ARID1B: variants seen among roughly 807,000 people sequenced by gnomAD.
ARID1B encodes the protein AT-rich interactive domain-containing protein 1B.
ARID1B carries 30 observed loss-of-function variants against 212.3 expected under a neutral mutation model. The ratio of observed to expected loss-of-function variants is 0.14; its 90% CI spans 0.11 to 0.19. The LOEUF (loss-of-function observed/expected upper bound fraction) is 0.19, where lower values mean the gene tolerates loss of function less well. Ranked by LOEUF, ARID1B falls within the 10% of genes least tolerant of loss-of-function variation. ARID1B has a pLI of 1.00. For missense variants in ARID1B, 2,891 were observed against 3,204.0 expected (o/e 0.90, Z 2.36); for synonymous variants, 1,402 against 1,301.7 (o/e 1.08, Z -1.66).
At chr6:156,964,293 G>A (rs1205640228) in intron 4 of ARID1B, among the ~76,000 whole-genome samples, 13 of 152,226 alleles carry the variant, frequency 8.5e-5, no homozygotes, top group Admixed American at 7.8e-4. Flanking sequence ...CAGAAAAGCA[G>A]GTGCTAAGTC....
At position 157,208,855 on chromosome 6, in the gene ARID1B, G is replaced by GA. The variant is rs1378652292; in HGVS notation, c.*970dup. On this transcript the variant is annotated 3_prime_UTR_variant, in exon 20 of 20. Coordinates refer to ENST00000636930, the MANE Select transcript of ARID1B (RefSeq NM_001374828.1). ...AGGGCCATATCTCCAAAAAAAGAAA[G>GA]AAAAAATACAAAAAACAAAAACAAA... is the stretch of plus-strand genomic sequence containing the variant. 2 of 215,890 alleles carry GA rather than the reference G, an allele frequency of 9.3e-6. No homozygotes were observed. Among genetic ancestry groups the GA allele is most frequent in the African/African-American group, 2.4e-5 (1 of 42,328 alleles). The allele number at this position is 215,890 out of a possible 1,614,324, so 13.4% of individuals were successfully genotyped here.
chr6:157,148,359 T>G lies in ARID1B; in HGVS notation c.2762-265T>G, dbSNP rs1367264434. Among the ~76,000 whole-genome samples, 1 of 152,128 alleles carries G rather than the reference T, an allele frequency of 6.6e-6. No individual in the cohort carries two copies. Among genetic ancestry groups the G allele is most frequent in the Non-Finnish European group, 1.5e-5 (1 of 68,030 alleles). ...GTTTGTTTTTTGTTTTTTTGTTTGT[T>G]TCTTTTTATGACCAGCCTGAATTTC... On this transcript the variant is annotated intron_variant, in intron 7 of 19. Coordinates refer to ENST00000636930, the MANE Select transcript of ARID1B (RefSeq NM_001374828.1). This position sits in a 1 kb window ranked among gnomAD's most constrained non-coding sequence, Gnocchi z 5.6.
chr6:156,895,865 C>A (rs1317804405), intron 2 of ARID1B, among the ~76,000 whole-genome samples: 1 of 152,088 alleles, frequency 6.6e-6, no homozygotes, highest in Non-Finnish European at 1.5e-5. Context: ...CCCCATAATC[C>A]CCAATTCTTT....
chr6:157,130,924 T>C (rs2128578769), intron 6 of ARID1B, among the ~76,000 whole-genome samples: 1 of 152,370 alleles, frequency 6.6e-6, no homozygotes, highest in East Asian at 1.9e-4. Context: ...CTGTCCTTTG[T>C]TAGTGTGCTA....
intron 1 of ARID1B, among the ~76,000 whole-genome samples, chr6:156,788,213 T>TA (rs948497387): frequency 1.3e-5 from 2 of 152,140 alleles, no homozygotes; most frequent in Non-Finnish European, 2.9e-5. Context: ...AACAGCTTAT[T>TA]AAACCACACT....
chr6:156,932,346 G>A (rs988389412), intron 3 of ARID1B, among the ~76,000 whole-genome samples: 4 of 152,122 alleles, frequency 2.6e-5, no homozygotes, highest in African/African-American at 9.7e-5. Flanking sequence ...CAGTACTGAT[G>A]AATTCTGAAA....
chr6:157,060,630 CTTTTTTTT>C (rs56870548), intron 4 of ARID1B, among the ~76,000 whole-genome samples: 44 of 72,044 alleles, frequency 6.1e-4, no homozygotes, highest in African/African-American at 7.5e-4. Context: ...AAAATCTGAA[CTTTTTTTT>C]TTTTTTTTTT....
At chr6:156,987,625 C>T (rs922944078) in intron 4 of ARID1B, among the ~76,000 whole-genome samples, 11 of 152,300 alleles carry the variant, frequency 7.2e-5, no homozygotes, top group Non-Finnish European at 8.8e-5. Context: ...CCACCACGCC[C>T]GGCCCAGTGC....
chr6:156,800,888 G>A (rs1368616228), intron 1 of ARID1B, among the ~76,000 whole-genome samples: 8 of 152,130 alleles, frequency 5.3e-5, no homozygotes, highest in African/African-American at 9.6e-5. Context: ...GAGAAAGACC[G>A]TGTCTCTTAA....
At position 156,788,974 on chromosome 6, in the gene ARID1B, A is replaced by G. The variant is rs533870885; in HGVS notation, c.1791+9503A>G. Among the ~76,000 whole-genome samples the G allele has an allele frequency of 1.2e-4, 18 of 152,322 alleles. No individual in the cohort carries two copies. In the East Asian group the frequency reaches 2.5e-3, roughly 21 times the overall value. On this transcript the variant is annotated intron_variant, in intron 1 of 19. Coordinates refer to ENST00000636930, the MANE Select transcript of ARID1B (RefSeq NM_001374828.1). ...GACTCCTGGTGTTTTACAAAGTGGAAATTAAAGTGAATGGCTACAGTTTTC... is the reference window on the plus strand; with the variant it reads ...GACTCCTGGTGTTTTACAAAGTGGAGATTAAAGTGAATGGCTACAGTTTTC...
At chr6:156,782,149 G>T (rs1236262494) in intron 1 of ARID1B, among the ~76,000 whole-genome samples, 12 of 150,844 alleles carry the variant, frequency 8.0e-5, no homozygotes, top group Admixed American at 7.9e-4. Context: ...AGTATTAGTT[G>T]TTGTAATTAT....
At chr6:157,070,890 G>A (rs1392686556) in intron 4 of ARID1B, among the ~76,000 whole-genome samples, 1 of 152,106 alleles carries the variant, frequency 6.6e-6, no homozygotes, top group African/African-American at 2.4e-5. Context: ...ATGACCTTCT[G>A]CCTTTGTTAG....
intron 11 of ARID1B, among the ~76,000 whole-genome samples, chr6:157,180,557 A>G (rs533505189): frequency 1.8e-4 from 28 of 152,296 alleles, no homozygotes; most frequent in Admixed American, 7.8e-4. Context: ...GTAGGAGTCC[A>G]TTTAATGTTT....
chr6:156,887,849 C>T (rs1184433061), intron 2 of ARID1B, among the ~76,000 whole-genome samples: 1 of 152,174 alleles, frequency 6.6e-6, no homozygotes, highest in East Asian at 1.9e-4. Flanking sequence ...TGCAAGTATA[C>T]GATCCCCAGG....
At chr6:156,881,990 TCAAG>T (rs1440360659) in intron 2 of ARID1B, among the ~76,000 whole-genome samples, 1 of 152,068 alleles carries the variant, frequency 6.6e-6, no homozygotes. Context: ...TATTTCAGAG[TCAAG>T]CAATCATACA....
chr6:156,860,350 T>TC (rs1785242208), intron 2 of ARID1B, among the ~76,000 whole-genome samples: 1 of 151,734 alleles, frequency 6.6e-6, no homozygotes, highest in Admixed American at 6.6e-5. Flanking sequence ...TTTTTTTTTT[T>TC]CTTAAAAATT....
rs2128317393 is a variant in ARID1B at position 157,181,102 on chromosome 6, T to A, written c.3638T>A (p.Leu1213Gln). The A allele has an allele frequency of 6.2e-7, 1 of 1,614,204 alleles. No individual in the cohort carries two copies. The part of the protein sequence containing the change: ...MEERGSPVSS[L>Q]PAVGKKPLDL... ...GAGAGAGGCTCTCCTGTCTCAAGTC[T>A]GCCTGCCGTGGGCAAGAAGCCCCTG... The change falls in exon 12 of 20, where the codon CTG becomes CAG. Residue 1213 changes from leucine to glutamine, a missense_variant. By Grantham distance (113) the Leu-to-Gln change is moderately radical. Coordinates refer to ENST00000636930, the MANE Select transcript of ARID1B (RefSeq NM_001374828.1).
chr6:157,002,286 C>T (rs1003797958), intron 4 of ARID1B, among the ~76,000 whole-genome samples: 8 of 152,072 alleles, frequency 5.3e-5, no homozygotes, highest in Non-Finnish European at 1.0e-4. Context: ...ATCTCTATAC[C>T]TCCAATTTTG....
intron 4 of ARID1B, among the ~76,000 whole-genome samples, chr6:156,994,905 A>G (rs565118770): frequency 2.6e-5 from 4 of 152,348 alleles, no homozygotes; most frequent in Non-Finnish European, 4.4e-5. Flanking sequence ...GCCTGCCAGA[A>G]CATGACGGTT....
Sources: gnomAD v4.1 joint callset for allele counts (sites outside exome capture counted in the v4.1 genomes callset) on GRCh38, gnomAD v4.1.1 for gene constraint, Gnocchi (gnomAD v3.1) non-coding constraint, MANE v1.5 for transcripts, NCBI Gene and HGNC (gene_info 2026-07-23, HGNC 2026-07-21) for gene names.